Variants in ENOX1 observed in about 807,000 individuals in gnomAD.
ENOX1 encodes candidate growth-related and time keeping constitutive hydroquinone (NADH) oxidase.
Under a neutral mutation model 82.5 loss-of-function variants are expected in ENOX1, and 42 were observed. That is an observed-to-expected ratio of 0.51 (90% CI 0.40 to 0.66). The LOEUF is 0.66. ENOX1 is among the 30% of genes least tolerant of loss of function. The probability of loss-of-function intolerance (pLI) is 0.00; values close to 1 mark genes in which losing one functional copy is unlikely to be tolerated. For synonymous variants in ENOX1, 271 were observed against 282.2 expected (o/e 0.96, Z 0.40); for missense variants, 608 against 811.6 (o/e 0.75, Z 3.05).
chr13:43,527,522 G>C (rs1173274658), intron 2 of ENOX1, among the ~76,000 whole-genome samples: 1 of 152,078 alleles, frequency 6.6e-6, no homozygotes, highest in Non-Finnish European at 1.5e-5. Context: ...TGATTTTGGA[G>C]CCTACATTTC....
chr13:43,287,903 G>A (rs982146968), intron 12 of ENOX1, among the ~76,000 whole-genome samples: 3 of 152,142 alleles, frequency 2.0e-5, no homozygotes, highest in African/African-American at 7.2e-5. Flanking sequence ...GTTCCAAATG[G>A]AGCCAACCGT....
intron 3 of ENOX1, among the ~76,000 whole-genome samples, chr13:43,420,368 A>C (rs1029594714): frequency 6.6e-6 from 1 of 152,210 alleles, no homozygotes; most frequent in African/African-American, 2.4e-5. Flanking sequence ...AATATCTTCC[A>C]TCAGTTTTGT....
chr13:43,438,391 G>T (rs547308104), intron 3 of ENOX1, among the ~76,000 whole-genome samples: 1 of 152,280 alleles, frequency 6.6e-6, no homozygotes, highest in East Asian at 1.9e-4. Context: ...AGACAGAAGA[G>T]ATAGCAATTG....
intron 10 of ENOX1, among the ~76,000 whole-genome samples, chr13:43,324,960 A>T (rs2093873): frequency 0.31 from 47,117 of 152,108 alleles, 7,961 homozygotes; most frequent in Middle Eastern, 0.47. Context: ...CTTTCTCTCA[A>T]CATTCCTTTT....
At position 43,484,064 on chromosome 13, in the gene ENOX1, A is replaced by G; in HGVS notation, c.-130T>C. 1 of 985,470 alleles carries G rather than the reference A, an allele frequency of 1.0e-6. No individual in the cohort carries two copies. The highest frequency in any genetic ancestry group is 1.2e-6 in the Non-Finnish European group (1 of 829,908). The allele number at this position is 985,470 out of a possible 1,614,324, so 61.0% of individuals were successfully genotyped here. ...TGTGTTCTCTGGGGACTTGATTGAA[A>G]CCATGTATTCATAAAAGTCTTTTAA... On this transcript the variant is annotated 5_prime_UTR_variant, in exon 3 of 17. Transcript: ENST00000690772.
At chr13:43,306,694 A>T (rs1475102475) in intron 11 of ENOX1, among the ~76,000 whole-genome samples, 1 of 152,216 alleles carries the variant, frequency 6.6e-6, no homozygotes, top group African/African-American at 2.4e-5. Flanking sequence ...ACAGTATAAA[A>T]GCAGTGATCT....
intron 2 of ENOX1, among the ~76,000 whole-genome samples, chr13:43,590,062 G>A (rs2081174756): frequency 6.6e-6 from 1 of 152,142 alleles, no homozygotes; most frequent in African/African-American, 2.4e-5. Flanking sequence ...AGCATTAATT[G>A]ACATAGAACA....
At chr13:43,388,057 G>A (rs1297240519) in intron 5 of ENOX1, among the ~76,000 whole-genome samples, 1 of 152,140 alleles carries the variant, frequency 6.6e-6, no homozygotes, top group Non-Finnish European at 1.5e-5. Context: ...TGAATGACAT[G>A]AACAGGTCTA....
intron 3 of ENOX1, among the ~76,000 whole-genome samples, chr13:43,415,865 GGGGC>G (rs2054453931): frequency 6.7e-6 from 1 of 150,066 alleles, no homozygotes; most frequent in African/African-American, 2.5e-5. Flanking sequence ...CTTCCCAGAC[GGGGC>G]GGCCGGGCAG....
intron 2 of ENOX1, among the ~76,000 whole-genome samples, chr13:43,565,792 G>A (rs1273414707): frequency 6.6e-6 from 1 of 152,168 alleles, no homozygotes; most frequent in Non-Finnish European, 1.5e-5. Flanking sequence ...AACTAGGACA[G>A]TTGCTGGTGC....
intron 1 of ENOX1, among the ~76,000 whole-genome samples, chr13:43,762,323 G>A (rs1951032794): frequency 6.6e-6 from 1 of 152,172 alleles, no homozygotes; most frequent in South Asian, 2.1e-4. Context: ...AGGGAAAGGT[G>A]TGCAAGTTGG....
chr13:43,730,552 T>C (rs1021754965), intron 1 of ENOX1, among the ~76,000 whole-genome samples: 6 of 152,208 alleles, frequency 3.9e-5, no homozygotes, highest in African/African-American at 1.4e-4. Flanking sequence ...TCTGGCTTTG[T>C]TCCACCCTCA....
At chr13:43,271,285 T>C (rs955466896) in intron 12 of ENOX1, among the ~76,000 whole-genome samples, 5 of 152,188 alleles carry the variant, frequency 3.3e-5, no homozygotes, top group African/African-American at 1.2e-4. Context: ...TCAGACACTA[T>C]GCAGCCATTT....
intron 2 of ENOX1, among the ~76,000 whole-genome samples, chr13:43,502,104 G>A (rs1163864243): frequency 6.6e-6 from 1 of 151,322 alleles, no homozygotes; most frequent in African/African-American, 2.4e-5. Flanking sequence ...CAATATATAC[G>A]AACACATTGG....
intron 5 of ENOX1, among the ~76,000 whole-genome samples, chr13:43,372,342 G>A (rs1208053760): frequency 6.6e-6 from 1 of 152,228 alleles, no homozygotes; most frequent in Non-Finnish European, 1.5e-5. Context: ...TAAATGGACA[G>A]AATTGGTCTT....
chr13:43,303,551 C>CT (rs1191281747), intron 11 of ENOX1, among the ~76,000 whole-genome samples: 1 of 152,212 alleles, frequency 6.6e-6, no homozygotes. Flanking sequence ...AGGATGCCTT[C>CT]TGCACAGTCC....
chr13:43,460,793 CA>C (rs1312983530), intron 3 of ENOX1, among the ~76,000 whole-genome samples: 5 of 25,728 alleles, frequency 1.9e-4, no homozygotes, highest in African/African-American at 9.6e-4. Context: ...GACTCCATCT[CA>C]AAAAAAAAAA....
chr13:43,689,325 C>T (rs2086231816), intron 1 of ENOX1, among the ~76,000 whole-genome samples: 1 of 152,094 alleles, frequency 6.6e-6, no homozygotes, highest in Non-Finnish European at 1.5e-5. Context: ...CCAAAGAACA[C>T]CAATGTTAGA....
Position 43,558,675 on chromosome 13 carries a change from T to C in ENOX1, c.-218-74523A>G, listed in dbSNP as rs1384445967. ...CAGACTGGACGATTCATTTGTTTTC[T>C]TCTTTTTTTCACTCTTCCAGGTAAA... is the stretch of plus-strand genomic sequence containing the variant. On this transcript the variant is annotated intron_variant, in intron 2 of 16. Coordinates refer to ENST00000690772, the MANE Select transcript of ENOX1 (RefSeq NM_001347969.2). Among the ~76,000 whole-genome samples the C allele has an allele frequency of 2.0e-5, 3 of 152,340 alleles. No homozygotes were observed. The East Asian group carries it at 5.8e-4, about 29-fold the overall frequency.
Sources: gnomAD v4.1 joint callset for allele counts (sites outside exome capture counted in the v4.1 genomes callset) on GRCh38, gnomAD v4.1.1 for gene constraint, MANE v1.5 for transcripts, NCBI Gene and HGNC (gene_info 2026-07-23, HGNC 2026-07-21) for gene names.